REPS2: variants seen among roughly 807,000 people sequenced by gnomAD.
REPS2 encodes the protein ralBP1-associated Eps domain-containing protein 2.
A neutral mutation model predicts 53.6 loss-of-function variants in REPS2; 23 were observed. The observed-to-expected ratio is 0.43, with a 90% confidence interval of 0.31 to 0.61. The LOEUF (loss-of-function observed/expected upper bound fraction) is 0.61, where lower values mean the gene tolerates loss of function less well. Among genes scored for constraint, REPS2 ranks in the 20% least tolerant of loss-of-function variants. REPS2 has a pLI of 0.11. For synonymous variants in REPS2, 238 were observed against 218.6 expected (o/e 1.09, Z -0.78); for missense variants, 446 against 534.9 (o/e 0.83, Z 1.64).
intron 1 of REPS2, among the ~76,000 whole-genome samples, chrX:16,985,318 C>T (rs2061077837): frequency 8.9e-6 from 1 of 112,007 alleles, no homozygotes; most frequent in Non-Finnish European, 1.9e-5. Flanking sequence ...GTTTGCACTT[C>T]AGGAATCAAC....
At chrX:17,062,303 A>G in intron 8 of REPS2, 135 bp from the exon 9 acceptor site, 1 of 452,182 alleles carries the variant, frequency 2.2e-6, no homozygotes, top group Non-Finnish European at 3.8e-6. Flanking sequence ...CCTCAGCATG[A>G]TGAATGCCAT....
chrX:17,033,274 T>A (rs1261494387), intron 5 of REPS2, among the ~76,000 whole-genome samples: 1 of 111,458 alleles, frequency 9.0e-6, no homozygotes, highest in Non-Finnish European at 1.9e-5. Context: ...TCCTCATGCT[T>A]CTATGGCTGC....
At chrX:17,135,546 G>A in intron 16 of REPS2, 140 bp downstream of exon 16, 1 of 742,245 alleles carries the variant, frequency 1.3e-6, no homozygotes, top group Non-Finnish European at 1.9e-6. Flanking sequence ...CTCTGTGATG[G>A]GATTCAAGTC....
intron 1 of REPS2, among the ~76,000 whole-genome samples, chrX:16,967,258 G>T (rs1230486506): frequency 3.6e-5 from 4 of 111,222 alleles, no homozygotes; most frequent in Non-Finnish European, 7.5e-5. Flanking sequence ...GGCTGCTTTT[G>T]AACTAGAGTG....
chrX:17,048,749 C>T (rs1385367839), intron 6 of REPS2, among the ~76,000 whole-genome samples: 2 of 112,462 alleles, frequency 1.8e-5, no homozygotes, highest in African/African-American at 3.2e-5. Flanking sequence ...CAAGGCAGTG[C>T]TCACATAAAT....
intron 6 of REPS2, among the ~76,000 whole-genome samples, chrX:17,047,830 C>T (rs1166144316): frequency 8.9e-6 from 1 of 112,687 alleles, no homozygotes; most frequent in African/African-American, 3.2e-5. Flanking sequence ...AGAATGTGGC[C>T]TCCTAAGGAG....
At chrX:16,995,770 G>A (rs913233645) in intron 1 of REPS2, among the ~76,000 whole-genome samples, 1 of 111,705 alleles carries the variant, frequency 9.0e-6, no homozygotes, top group Non-Finnish European at 1.9e-5. Context: ...GGCCCGGTTC[G>A]AAGCTGGCTG....
At chrX:16,972,453 A>G (rs1382651633) in intron 1 of REPS2, among the ~76,000 whole-genome samples, 6 of 112,152 alleles carry the variant, frequency 5.3e-5, no homozygotes, top group African/African-American at 1.9e-4. Context: ...CTACTGCATC[A>G]TATCTTATTT....
In REPS2 at chrX:17,149,029, G is replaced by C. The variant is rs1462118445; in HGVS notation, c.*1548G>C. ...AATAGCTTAATGGCAGAGGATAAAG[G>C]CTCAAACAGATGATGTTTTTTCCAC... On this transcript the variant is annotated 3_prime_UTR_variant, in exon 18 of 18. Coordinates refer to ENST00000357277, the MANE Select transcript of REPS2 (RefSeq NM_004726.3). 2 of 365,252 alleles carry C rather than the reference G, an allele frequency of 5.5e-6. No homozygotes were observed. Among genetic ancestry groups the C allele is most frequent in the African/African-American group, 5.2e-5 (2 of 38,797 alleles). The allele number at this position is 365,252 out of a possible 1,213,427, so 30.1% of individuals were successfully genotyped here.
chrX:17,074,797 A>C (rs2096552515), intron 12 of REPS2, among the ~76,000 whole-genome samples: 1 of 111,891 alleles, frequency 8.9e-6, no homozygotes, highest in African/African-American at 3.3e-5. Context: ...GGGAAATGGT[A>C]TTGGTACTGT....
At chrX:17,081,762 T>G (rs1199987351) in intron 13 of REPS2, among the ~76,000 whole-genome samples, 4 of 111,978 alleles carry the variant, frequency 3.6e-5, no homozygotes, top group Non-Finnish European at 7.5e-5. Flanking sequence ...CTGACCCAGT[T>G]CTTGGAGCCA....
Position 16,994,374 on chromosome X carries a change from TATATATACACACACGTAC to T in REPS2, c.274-11839_274-11822del, listed in dbSNP as rs1326188815. Reference sequence around the variant, plus strand: ...ATACACACACGTACATATATATACATATATATACACACACGTACATATATATACACACACGTACATATA... The same window carrying T: ...ATACACACACGTACATATATATACATATATATATACACACACGTACATATA... On this transcript the variant is annotated intron_variant, in intron 1 of 17. Transcript: ENST00000357277. 5.2e-3 allele frequency among the ~76,000 whole-genome samples: 576 copies of T among 110,317 alleles called. 6 individuals carry two copies. Among genetic ancestry groups the T allele is most frequent in the African/African-American group, 0.018 (551 of 30,203 alleles).
At chrX:17,157,980 T>C (rs1047667488), downstream of REPS2, among the ~76,000 whole-genome samples, 5 of 111,852 alleles carry the variant, frequency 4.5e-5, no homozygotes, top group Non-Finnish European at 9.4e-5. Context: ...GCATACCCTG[T>C]GTATAAAGGC....
chrX:17,151,968 C>T lies in REPS2; in HGVS notation c.*4487C>T, dbSNP rs1971117605. Reference sequence around the variant, plus strand: ...GAGTCCTCAGCTCACATGTCTTGTTCCTCCTTCAGCACAAGCTAGGGGAGA... The same window carrying T: ...GAGTCCTCAGCTCACATGTCTTGTTTCTCCTTCAGCACAAGCTAGGGGAGA... On this transcript the variant is annotated 3_prime_UTR_variant, in exon 18 of 18. Coordinates refer to ENST00000357277, the MANE Select transcript of REPS2 (RefSeq NM_004726.3). 9.2e-6 allele frequency: 1 copy of T among 109,171 alleles called. No homozygotes were observed. Among genetic ancestry groups the T allele is most frequent in the African/African-American group, 3.4e-5 (1 of 29,830 alleles). The allele number at this position is 109,171 out of a possible 1,213,427, so 9.0% of individuals were successfully genotyped here. A position where few individuals can be genotyped will look rare whatever the true frequency, so the allele number is the denominator to read the frequency against.
intron 6 of REPS2, among the ~76,000 whole-genome samples, chrX:17,051,267 A>G (rs929420923): frequency 2.7e-5 from 3 of 111,663 alleles, no homozygotes. Flanking sequence ...CTGTCAATGG[A>G]CACATAGGTT....
At chrX:17,157,569 A>T (rs2063623751), downstream of REPS2, among the ~76,000 whole-genome samples, 1 of 111,522 alleles carries the variant, frequency 9.0e-6, no homozygotes, top group Non-Finnish European at 1.9e-5. Flanking sequence ...CAACTGGGGG[A>T]TGCTACTGGC....
chrX:17,116,057 A>G (rs1371227953), intron 14 of REPS2, among the ~76,000 whole-genome samples: 1 of 111,334 alleles, frequency 9.0e-6, no homozygotes, highest in East Asian at 2.8e-4. Flanking sequence ...GACACTTGGC[A>G]TGCATTTTCC....
At chrX:16,978,295 T>C (rs2060980815) in intron 1 of REPS2, among the ~76,000 whole-genome samples, 1 of 112,191 alleles carries the variant, frequency 8.9e-6, no homozygotes, top group African/African-American at 3.2e-5. Flanking sequence ...TACTGAGTAC[T>C]ATCCTTCAGA....
chrX:17,056,554 G>A (rs1370878707), intron 8 of REPS2, among the ~76,000 whole-genome samples: 1 of 110,989 alleles, frequency 9.0e-6, no homozygotes, highest in Admixed American at 9.6e-5. Context: ...AATTAGCCGG[G>A]TGTGGTGGCG....
Sources: gnomAD v4.1 joint callset for allele counts (sites outside exome capture counted in the v4.1 genomes callset) on GRCh38, gnomAD v4.1.1 for gene constraint, MANE v1.5 for transcripts, NCBI Gene and HGNC (gene_info 2026-07-23, HGNC 2026-07-21) for gene names.